LIMK2: variants seen among roughly 807,000 people sequenced by gnomAD.
LIMK2 encodes LIM domain kinase 2.
Under a neutral mutation model 75.7 loss-of-function variants are expected in LIMK2, and 35 were observed. That is an observed-to-expected ratio of 0.46 (90% CI 0.35 to 0.61). The LOEUF is 0.61. Among genes scored for constraint, LIMK2 ranks in the 20% least tolerant of loss-of-function variants. LIMK2 has a pLI of 0.00. For synonymous variants in LIMK2, 301 were observed against 319.2 expected (o/e 0.94, Z 0.61); for missense variants, 623 against 831.0 (o/e 0.75, Z 3.08).
At chr22:31,246,291 G>A (rs913664604) in intron 2 of LIMK2, among the ~76,000 whole-genome samples, 3 of 150,702 alleles carry the variant, frequency 2.0e-5, no homozygotes, top group African/African-American at 7.3e-5. Flanking sequence ...TTGAGCTTAG[G>A]TGGTTGAGAC....
In LIMK2 at chr22:31,262,772, C is replaced by T. The variant is rs1171678461; in HGVS notation, c.835C>T (p.Leu279=). 6.2e-7 allele frequency: 1 copy of T among 1,610,650 alleles called. No individual in the cohort carries two copies. The highest frequency in any genetic ancestry group is 1.1e-5 in the South Asian group (1 of 90,674). The change falls in exon 7 of 16, where the codon CTG becomes TTG. Residue 279 remains leucine, a synonymous_variant. Transcript: ENST00000331728. This position sits in a 1 kb window ranked among gnomAD's most constrained non-coding sequence, Gnocchi z 5.0. ...LDTKENLEGT[L]RRRSLRRSNS... ...CACCAAGGAGAATCTGGAGGGGACA[C>T]TGAGGAGACGTTCCCTAAGGTGCCA...
chr22:31,276,790 G>GCC lies in LIMK2; in HGVS notation c.1772+1489_1772+1490dup, dbSNP rs540206607. 2.5e-6 allele frequency: 4 copies of GCC among 1,597,190 alleles called. No individual in the cohort carries two copies. The East Asian group carries it at 6.8e-5, about 27-fold the overall frequency. On this transcript the variant is annotated intron_variant, in intron 15 of 15. Transcript: ENST00000331728. ...CAAGGACCACGCATCTACTTTCAGA[G>GCC]CCCCCCCCGGGGCCGCAGGAGAGGG...
chr22:31,268,579 G>T (rs2048920687), intron 11 of LIMK2, among the ~76,000 whole-genome samples: 2 of 152,158 alleles, frequency 1.3e-5, no homozygotes, highest in Admixed American at 6.5e-5. Context: ...AGCCCTGAAG[G>T]ATCAGAATTG....
chr22:31,233,486 C>T (rs150077479), intron 2 of LIMK2, among the ~76,000 whole-genome samples: 4 of 152,344 alleles, frequency 2.6e-5, no homozygotes, highest in African/African-American at 7.2e-5. Flanking sequence ...ACCATTCCTT[C>T]AGGCGTGCTG....
At chr22:31,217,783 A>G (rs769963778) in intron 1 of LIMK2, among the ~76,000 whole-genome samples, 14 of 152,234 alleles carry the variant, frequency 9.2e-5, no homozygotes, top group Non-Finnish European at 1.5e-4. Flanking sequence ...GAAAGACATA[A>G]GAACCATCTG....
intron 2 of LIMK2, among the ~76,000 whole-genome samples, chr22:31,242,638 G>C (rs2048632800): frequency 6.6e-6 from 1 of 152,120 alleles, no homozygotes; most frequent in Non-Finnish European, 1.5e-5. Flanking sequence ...TCCATTCCTA[G>C]TTTCAAGTTC....
At position 31,267,017 on chromosome 22, in the gene LIMK2, A is replaced by C. The variant is rs2048902815; in HGVS notation, c.1075A>C (p.Met359Leu). The C allele has an allele frequency of 6.2e-7, 1 of 1,610,528 alleles. No homozygotes were observed. Among genetic ancestry groups the C allele is most frequent in the East Asian group, 2.2e-5 (1 of 44,856 alleles). Residue 359 changes from methionine (M) to leucine (L), a missense_variant, in exon 9 of 16, where the codon ATG becomes CTG. Physicochemically the swap from Met to Leu is conservative, Grantham distance 15. Transcript: ENST00000331728. ...CAAAGCCACGGGCAAAGTGATGGTC[A>C]TGAAAGAGTTAATTCGATGTGATGA... The part of the protein sequence containing the change: ...THKATGKVMV[M>L]KELIRCDEET...
chr22:31,247,575 CT>C (rs955166160), intron 2 of LIMK2, among the ~76,000 whole-genome samples: 2 of 152,158 alleles, frequency 1.3e-5, no homozygotes, highest in African/African-American at 4.8e-5. Context: ...AAAGATTTTT[CT>C]CCTTAAAGAG....
In LIMK2 at chr22:31,212,377, C is replaced by T; in HGVS notation, c.-32C>T. The stretch of plus-strand genomic sequence containing the variant: ...TGAGGGGAGCTGCTGTGTCCCCCGC[C>T]TCCTCCTCCCCATTTCCGCGCTCCC... On this transcript the variant is annotated 5_prime_UTR_variant, in exon 1 of 16. Transcript: ENST00000331728. 3 of 1,336,140 alleles carry T rather than the reference C, an allele frequency of 2.2e-6. No homozygotes were observed. Among genetic ancestry groups the T allele is most frequent in the Non-Finnish European group, 2.9e-6 (3 of 1,034,022 alleles). 82.8% of individuals were successfully genotyped at this position (1,336,140 alleles called of 1,614,324 possible).
chr22:31,252,364 G>C (rs757606495), intron 2 of LIMK2, among the ~76,000 whole-genome samples: 1 of 152,026 alleles, frequency 6.6e-6, no homozygotes, highest in Non-Finnish European at 1.5e-5. Flanking sequence ...GCAACATAGG[G>C]AGACCCTGTC....
intron 2 of LIMK2, chr22:31,248,651 A>T: frequency 6.2e-7 from 1 of 1,613,752 alleles, no homozygotes; most frequent in South Asian, 1.1e-5. Context: ...GTGGCCATCT[A>T]CAGCCGGCCT....
At chr22:31,218,133 G>A (rs1292114877) in intron 1 of LIMK2, among the ~76,000 whole-genome samples, 6 of 152,194 alleles carry the variant, frequency 3.9e-5, no homozygotes, top group African/African-American at 1.4e-4. Context: ...GGCACCATGG[G>A]AGATATTTTC....
chr22:31,236,021 G>C (rs996193149), intron 2 of LIMK2, among the ~76,000 whole-genome samples: 1 of 152,194 alleles, frequency 6.6e-6, no homozygotes, highest in Non-Finnish European at 1.5e-5. Flanking sequence ...GAGGCCAGGC[G>C]TAGTGGCTCA....
intron 2 of LIMK2, among the ~76,000 whole-genome samples, chr22:31,249,572 T>A (rs2048705021): frequency 6.6e-6 from 1 of 152,320 alleles, no homozygotes; most frequent in East Asian, 1.9e-4. Context: ...TCTGGGTCCC[T>A]TCTGAATGGA....
chr22:31,262,134 G>T lies in LIMK2; in HGVS notation c.552G>T (p.Glu184Asp). 3 of 1,613,716 alleles carry T rather than the reference G, an allele frequency of 1.9e-6. No homozygotes were observed. Among genetic ancestry groups the T allele is most frequent in the Non-Finnish European group, 2.5e-6 (3 of 1,179,616 alleles). ...SNYATTVQVK[E>D]VNRMHISPNN... ...CTGCCTCAACTCTTGTCTGGCCCAGGGTCAACCGGATGCACATCAGTCCCA... is the reference window on the plus strand; with the variant it reads ...CTGCCTCAACTCTTGTCTGGCCCAGTGTCAACCGGATGCACATCAGTCCCA... The change falls in exon 6 of 16, where the codon GAG becomes GAT. Residue 184 changes from glutamate to aspartate, a missense_variant and splice_region_variant. Glu to Asp is a conservative substitution (Grantham distance 45). Coordinates refer to ENST00000331728, the MANE Select transcript of LIMK2 (RefSeq NM_005569.4). The surrounding 1 kb of genome is among the most constrained non-coding windows in gnomAD (Gnocchi z 5.0).
intron 1 of LIMK2, among the ~76,000 whole-genome samples, chr22:31,215,845 A>G (rs962228611): frequency 2.3e-4 from 35 of 152,196 alleles, no homozygotes; most frequent in African/African-American, 7.2e-4. Context: ...AAGCTGTTAT[A>G]AGGCTTGCGT....
chr22:31,273,644 C>T (rs1391628351), intron 14 of LIMK2, 137 bp downstream of exon 14: 8 of 681,930 alleles, frequency 1.2e-5, no homozygotes, highest in East Asian at 2.7e-5. Flanking sequence ...TGGTTTATAA[C>T]GCATCTGCAC....
chr22:31,273,679 T>G (rs1274723878), intron 14 of LIMK2, among the ~76,000 whole-genome samples, 172 bp downstream of exon 14: 3 of 152,182 alleles, frequency 2.0e-5, no homozygotes, highest in Non-Finnish European at 4.4e-5. Context: ...CGTGTTTCAT[T>G]GGTCTTAAGA....
chr22:31,246,672 G>T (rs937881622), intron 2 of LIMK2, among the ~76,000 whole-genome samples: 4 of 150,388 alleles, frequency 2.7e-5, no homozygotes, highest in African/African-American at 9.8e-5. Flanking sequence ...AGGATCACTT[G>T]AGTCCAGAAG....
Sources: allele counts gnomAD v4.1 joint callset (sites outside exome capture counted in the v4.1 genomes callset), GRCh38; gene constraint gnomAD v4.1.1; non-coding constraint Gnocchi (gnomAD v3.1); transcripts MANE v1.5; gene names NCBI Gene and HGNC (gene_info 2026-07-23, HGNC 2026-07-21).